VPS26C: variants seen among roughly 807,000 people sequenced by gnomAD.
VPS26C encodes the protein VPS26 endosomal protein sorting factor C.
In VPS26C, 19 loss-of-function variants were observed where a neutral mutation model predicts 30.6. That is an observed-to-expected ratio of 0.62 (90% CI 0.43 to 0.91). The LOEUF (loss-of-function observed/expected upper bound fraction) is 0.91. Ranked by LOEUF, VPS26C falls within the 40% of genes least tolerant of loss-of-function variation. VPS26C has a pLI of 0.00. For missense variants in VPS26C, 318 were observed against 385.1 expected (o/e 0.83, Z 1.46); for synonymous variants, 132 against 151.5 (o/e 0.87, Z 0.95).
intron 1 of VPS26C, among the ~76,000 whole-genome samples, chr21:37,248,056 C>T (rs574670702): frequency 5.9e-5 from 9 of 152,090 alleles, no homozygotes; most frequent in Admixed American, 1.3e-4. Context: ...ACAGTGTCCA[C>T]ACTTGTAAAG....
upstream of VPS26C, chr21:37,267,566 AG>A (rs2086382781): frequency 2.0e-5 from 11 of 537,306 alleles, no homozygotes; most frequent in East Asian, 3.0e-4. Flanking sequence ...GGGCCAAGCT[AG>A]CCCCACCCCT....
chr21:37,252,803 T>A (rs977425821), intron 1 of VPS26C, among the ~76,000 whole-genome samples: 1 of 152,192 alleles, frequency 6.6e-6, no homozygotes, highest in Admixed American at 6.5e-5. Flanking sequence ...TGCATTACGC[T>A]AATGATAAAG....
At chr21:37,238,410 G>A in intron 3 of VPS26C, 50 bp downstream of exon 3, 2 of 1,588,396 alleles carry the variant, frequency 1.3e-6, no homozygotes, top group African/African-American at 2.7e-5. Flanking sequence ...CACACCGTTT[G>A]TCAGAAGAAA....
chr21:37,250,288 G>A (rs1482254796), intron 1 of VPS26C, among the ~76,000 whole-genome samples: 1 of 150,754 alleles, frequency 6.6e-6, no homozygotes, highest in Non-Finnish European at 1.5e-5. Context: ...CTGGGTGATA[G>A]AGTAAGACTC....
intron 2 of VPS26C, among the ~76,000 whole-genome samples, chr21:37,239,031 C>T (rs1417811419): frequency 6.6e-6 from 1 of 152,142 alleles, no homozygotes; most frequent in Non-Finnish European, 1.5e-5. Context: ...GCCTCTGCTC[C>T]TGACAGCCCA....
intron 1 of VPS26C, among the ~76,000 whole-genome samples, chr21:37,242,365 G>A (rs2086095857): frequency 6.6e-6 from 1 of 152,190 alleles, no homozygotes; most frequent in Non-Finnish European, 1.5e-5. Context: ...GGGAGGCTAA[G>A]GCAGGAGGAT....
intron 3 of VPS26C, among the ~76,000 whole-genome samples, chr21:37,235,651 T>C (rs2086012363): frequency 6.6e-6 from 1 of 151,572 alleles, no homozygotes; most frequent in Non-Finnish European, 1.5e-5. Context: ...AAAGAAGAAG[T>C]AGATGCACAA....
chr21:37,261,243 T>G (rs1569242778), intron 1 of VPS26C: 1 of 152,220 alleles, frequency 6.6e-6, no homozygotes, highest in Admixed American at 6.5e-5. Context: ...CTGTTCACTT[T>G]GTTTCCTTCG....
intron 1 of VPS26C, 166 bp downstream of exon 1, chr21:37,267,072 T>C (rs1233628984): frequency 2.9e-6 from 2 of 697,054 alleles, no homozygotes; most frequent in African/African-American, 1.8e-5. Flanking sequence ...GGGAAGCACC[T>C]GGCGGGGACG....
chr21:37,244,324 G>A (rs763024725), intron 1 of VPS26C, among the ~76,000 whole-genome samples: 1 of 152,160 alleles, frequency 6.6e-6, no homozygotes, highest in Non-Finnish European at 1.5e-5. Context: ...TGCAACCTCC[G>A]CCTCCTGGGT....
chr21:37,233,817 C>T lies in VPS26C; in HGVS notation c.352-375G>A, dbSNP rs182093711. On this transcript the variant is annotated intron_variant, in intron 3 of 7. Transcript: ENST00000309117. This position sits in a 1 kb window ranked among gnomAD's most constrained non-coding sequence, Gnocchi z 5.2. Reference sequence around the variant, plus strand: ...TCCCGTTGTTGTCTGCCTTACTGTGCGAGCCCAGACAGATAACACAACTTG... The same window carrying T: ...TCCCGTTGTTGTCTGCCTTACTGTGTGAGCCCAGACAGATAACACAACTTG... Among the ~76,000 whole-genome samples the T allele has an allele frequency of 2.0e-5, 3 of 152,244 alleles. No individual in the cohort carries two copies. Among genetic ancestry groups the T allele is most frequent in the African/African-American group, 2.4e-5 (1 of 41,560 alleles).
At chr21:37,247,684 T>G (rs535186598) in intron 1 of VPS26C, among the ~76,000 whole-genome samples, 16 of 152,262 alleles carry the variant, frequency 1.1e-4, no homozygotes, top group Admixed American at 4.6e-4. Context: ...CAAAACCCAA[T>G]TTTATGTTGT....
At chr21:37,252,437 A>G (rs1371018348) in intron 1 of VPS26C, among the ~76,000 whole-genome samples, 1 of 152,190 alleles carries the variant, frequency 6.6e-6, no homozygotes, top group Non-Finnish European at 1.5e-5. Context: ...TGTGAAATTT[A>G]CTGAAGTTCC....
At position 37,240,521 on chromosome 21, in the gene VPS26C, A is replaced by G; in HGVS notation, c.176T>C (p.Phe59Ser). 1 of 1,614,162 alleles carries G rather than the reference A, an allele frequency of 6.2e-7. No homozygotes were observed. The change falls in exon 2 of 8, where the codon TTT (phenylalanine) becomes TCT (serine). Residue 59 changes from phenylalanine (F) to serine (S), a missense_variant. By Grantham distance (155) the Phe-to-Ser change is radical. Coordinates refer to ENST00000309117, the MANE Select transcript of VPS26C (RefSeq NM_006052.2). ...CTTAACAGAATTATAAAAAGCTTCA[A>G]ACACACCCACACTTTTGGCACTGAG... ...LQLSAKSVGV[F>S]EAFYNSVKPI... is the part of the protein sequence containing the mutation.
chr21:37,258,521 A>G (rs1395004635), intron 1 of VPS26C, among the ~76,000 whole-genome samples: 4 of 152,210 alleles, frequency 2.6e-5, no homozygotes, highest in African/African-American at 9.6e-5. Flanking sequence ...TCCTCAGTCT[A>G]CATATTGTTA....
chr21:37,258,106 C>T (rs1468157250), intron 1 of VPS26C, among the ~76,000 whole-genome samples: 1 of 152,238 alleles, frequency 6.6e-6, no homozygotes, highest in Non-Finnish European at 1.5e-5. Context: ...GGTTAACTGC[C>T]GTGAGATCTG....
In VPS26C at chr21:37,267,154, G is replaced by C. The variant is rs959595554; in HGVS notation, c.57+84C>G. ...ACAGCCCTGCCCCGCCTAGGGACGC[G>C]GGACGTGCGCAGAGCGATGGAGACA... On this transcript the variant is annotated intron_variant, in intron 1 of 7. Coordinates refer to ENST00000309117, the MANE Select transcript of VPS26C (RefSeq NM_006052.2). 6 of 1,245,282 alleles carry C rather than the reference G, an allele frequency of 4.8e-6. No individual in the cohort carries two copies. In the Admixed American group the frequency reaches 5.9e-5, roughly 12 times the overall value. The allele number at this position is 1,245,282 out of a possible 1,614,324, so 77.1% of individuals were successfully genotyped here. A position where few individuals can be genotyped will look rare whatever the true frequency, so the allele number is the denominator to read the frequency against.
chr21:37,241,565 C>A (rs2086087692), intron 1 of VPS26C, among the ~76,000 whole-genome samples: 1 of 152,148 alleles, frequency 6.6e-6, no homozygotes, highest in Non-Finnish European at 1.5e-5. Flanking sequence ...TGCCTGCAGT[C>A]CCAGCACTTT....
chr21:37,239,458 C>T (rs8129322), intron 2 of VPS26C, among the ~76,000 whole-genome samples: 10,126 of 152,200 alleles, frequency 0.067, 852 homozygotes, highest in African/African-American at 0.17. Context: ...CCCTAAATGA[C>T]AAAAACAACA....
Sources: allele counts gnomAD v4.1 joint callset (sites outside exome capture counted in the v4.1 genomes callset), GRCh38; gene constraint gnomAD v4.1.1; non-coding constraint Gnocchi (gnomAD v3.1); transcripts MANE v1.5; gene names NCBI Gene and HGNC (gene_info 2026-07-23, HGNC 2026-07-21).